Variants in STAM observed in about 807,000 individuals in gnomAD.
The protein encoded by STAM is signal transducing adaptor molecule.
A neutral mutation model predicts 63.4 loss-of-function variants in STAM; 16 were observed. The ratio of observed to expected loss-of-function variants is 0.25; its 90% confidence interval spans 0.17 to 0.38. STAM has a LOEUF of 0.38. Among genes scored for constraint, STAM ranks in the 10% least tolerant of loss-of-function variants. STAM has a pLI of 1.00. For missense variants in STAM, 636 were observed against 657.1 expected (o/e 0.97, Z 0.35); for synonymous variants, 238 against 223.9 (o/e 1.06, Z -0.56).
At chr10:17,650,561 A>G (rs1833696079) in intron 1 of STAM, among the ~76,000 whole-genome samples, 1 of 152,128 alleles carries the variant, frequency 6.6e-6, no homozygotes, top group South Asian at 2.1e-4. Flanking sequence ...CTACATTCTA[A>G]ACAACAAATG....
At chr10:17,663,932 G>A (rs567970153) in intron 2 of STAM, among the ~76,000 whole-genome samples, 1 of 151,850 alleles carries the variant, frequency 6.6e-6, no homozygotes, top group Non-Finnish European at 1.5e-5. Flanking sequence ...TGGGCCCTAG[G>A]CACTTTTGTC....
intron 2 of STAM, among the ~76,000 whole-genome samples, chr10:17,662,825 G>A (rs1834225559): frequency 6.6e-6 from 1 of 152,214 alleles, no homozygotes; most frequent in African/African-American, 2.4e-5. Context: ...ATGGCTGAAT[G>A]AGTGCAACTC....
chr10:17,656,074 C>T (rs12262407), intron 1 of STAM, among the ~76,000 whole-genome samples: 16,699 of 151,986 alleles, frequency 0.11, 983 homozygotes, highest in Middle Eastern at 0.16. Context: ...GTGGGTGAGT[C>T]ACCAGGTCAG....
At chr10:17,681,223 G>A (rs1589066923) in intron 2 of STAM, among the ~76,000 whole-genome samples, 1 of 144,602 alleles carries the variant, frequency 6.9e-6, no homozygotes, top group Non-Finnish European at 1.5e-5. Flanking sequence ...TTTAATGTAG[G>A]TGCTTATAGG....
intron 1 of STAM, among the ~76,000 whole-genome samples, chr10:17,652,396 TG>T (rs1833776310): frequency 6.6e-6 from 1 of 152,202 alleles, no homozygotes; most frequent in Non-Finnish European, 1.5e-5. Context: ...ATGAATCAGA[TG>T]CTGATTCTAT....
intron 8 of STAM, among the ~76,000 whole-genome samples, chr10:17,699,314 C>T (rs1488214747): frequency 5.9e-5 from 9 of 152,292 alleles, no homozygotes; most frequent in Admixed American, 5.9e-4. Flanking sequence ...TATTTCCCTT[C>T]CTTAAATTGC....
intron 6 of STAM, among the ~76,000 whole-genome samples, chr10:17,694,306 A>T (rs1297421225): frequency 6.6e-6 from 1 of 152,160 alleles, no homozygotes; most frequent in African/African-American, 2.4e-5. Flanking sequence ...GGCTTTTGAA[A>T]AATATTGTTC....
At chr10:17,668,224 T>C (rs547760372) in intron 2 of STAM, among the ~76,000 whole-genome samples, 1 of 152,110 alleles carries the variant, frequency 6.6e-6, no homozygotes, top group Non-Finnish European at 1.5e-5. Flanking sequence ...TTAAATAAAC[T>C]GCAACATGAG....
At chr10:17,693,655 A>G (rs1361510634) in intron 6 of STAM, among the ~76,000 whole-genome samples, 1 of 152,214 alleles carries the variant, frequency 6.6e-6, no homozygotes, top group African/African-American at 2.4e-5. Flanking sequence ...CGTGTGATAT[A>G]TCCATTAACT....
rs908950904 is a variant in STAM at position 17,714,956 on chromosome 10, T to G, written c.*176T>G. The G allele has an allele frequency of 1.6e-6, 1 of 626,506 alleles. No individual in the cohort carries two copies. Among genetic ancestry groups the G allele is most frequent in the Non-Finnish European group, 2.8e-6 (1 of 360,038 alleles). The allele number at this position is 626,506 out of a possible 1,614,324, so 38.8% of individuals were successfully genotyped here. A position where few individuals can be genotyped will look rare whatever the true frequency, so the allele number is the denominator to read the frequency against. On this transcript the variant is annotated 3_prime_UTR_variant, in exon 14 of 14. Transcript: ENST00000377524. The stretch of plus-strand genomic sequence containing the variant: ...CAATTTACACTGACTTTTTAGAGGT[T>G]CTTCCCCCCCCGCCCCTGCAGAGGA...
At chr10:17,648,573 A>G (rs1554821178) in intron 1 of STAM, among the ~76,000 whole-genome samples, 1 of 152,176 alleles carries the variant, frequency 6.6e-6, no homozygotes, top group African/African-American at 2.4e-5. Context: ...CCGTGGCTTC[A>G]TTCTTGACGT....
chr10:17,670,191 C>G (rs7096092), intron 2 of STAM, among the ~76,000 whole-genome samples: 1 of 152,086 alleles, frequency 6.6e-6, no homozygotes, highest in African/African-American at 2.4e-5. Flanking sequence ...GGATCCGATG[C>G]GAGCTGATTT....
At chr10:17,708,621 G>A (rs974457265) in intron 12 of STAM, among the ~76,000 whole-genome samples, 155 bp from the exon 13 acceptor site, 7 of 152,168 alleles carry the variant, frequency 4.6e-5, no homozygotes, top group Admixed American at 1.3e-4. Flanking sequence ...ATTGAAAAGC[G>A]TTTTTCAAAA....
chr10:17,699,533 G>A (rs548206698), intron 8 of STAM, among the ~76,000 whole-genome samples: 1 of 152,208 alleles, frequency 6.6e-6, no homozygotes, highest in East Asian at 1.9e-4. Context: ...CTGTGCTTCT[G>A]GCCAATGAAT....
At chr10:17,709,161 G>A (rs761920580) in intron 13 of STAM, among the ~76,000 whole-genome samples, 1 of 152,150 alleles carries the variant, frequency 6.6e-6, no homozygotes, top group Non-Finnish European at 1.5e-5. Context: ...CTCAACTCAT[G>A]TAATCTGGTT....
At chr10:17,705,560 TG>T in intron 11 of STAM, 27 bp from the exon 12 acceptor site, 1 of 1,599,688 alleles carries the variant, frequency 6.3e-7, no homozygotes, top group Non-Finnish European at 8.5e-7. Flanking sequence ...GTAACAGCTA[TG>T]CTTCAAATTA....
At chr10:17,709,142 C>G (rs1182475556) in intron 13 of STAM, among the ~76,000 whole-genome samples, 191 bp downstream of exon 13, 3 of 152,168 alleles carry the variant, frequency 2.0e-5, no homozygotes, top group Non-Finnish European at 4.4e-5. Context: ...GTCCTCTGCT[C>G]CCGACTCGCT....
In STAM at chr10:17,693,340, A is replaced by G. The variant is rs538835351; in HGVS notation, c.535+28A>G. On this transcript the variant is annotated intron_variant, in intron 6 of 13. Coordinates refer to ENST00000377524, the MANE Select transcript of STAM (RefSeq NM_003473.4). ...GCGTTTTTAAGTCCCTGATGGTGGGAATAACATAAGCCTTTATTTTTTCTC... is the reference window on the plus strand; with the variant it reads ...GCGTTTTTAAGTCCCTGATGGTGGGGATAACATAAGCCTTTATTTTTTCTC... 3.8e-5 allele frequency: 59 copies of G among 1,540,852 alleles called. No homozygotes were observed. In the South Asian group the frequency reaches 6.7e-4, roughly 17 times the overall value.
chr10:17,650,499 C>T (rs1554821404), intron 1 of STAM, among the ~76,000 whole-genome samples: 1 of 152,206 alleles, frequency 6.6e-6, no homozygotes, highest in Non-Finnish European at 1.5e-5. Flanking sequence ...TTTACTTAGT[C>T]ATACAAGTCG....
Sources: gnomAD v4.1 joint callset for allele counts (sites outside exome capture counted in the v4.1 genomes callset) on GRCh38, gnomAD v4.1.1 for gene constraint, MANE v1.5 for transcripts, NCBI Gene and HGNC (gene_info 2026-07-23, HGNC 2026-07-21) for gene names.